The following MMP26 variants were observed in gnomAD, a reference collection of about 807,000 sequenced individuals.
MMP26 encodes matrix metalloproteinase-26.
MMP26 carries 33 observed loss-of-function variants against 31.0 expected under a neutral mutation model. That is an observed-to-expected ratio of 1.06 (90% CI 0.81 to 1.42). MMP26 has a LOEUF of 1.42. Among genes scored for constraint, MMP26 ranks in the 40% most tolerant of loss-of-function variants. The probability of loss-of-function intolerance (pLI) is 0.00; values close to 1 mark genes in which losing one functional copy is unlikely to be tolerated. For synonymous variants in MMP26, 122 were observed against 114.9 expected (o/e 1.06, Z -0.40); for missense variants, 347 against 316.1 (o/e 1.10, Z -0.74).
chr11:4,779,788 G>A (rs1041455496), intron 2 of MMP26, among the ~76,000 whole-genome samples: 6 of 151,956 alleles, frequency 3.9e-5, no homozygotes, highest in Non-Finnish European at 7.4e-5. Context: ...CCTAGCAAAC[G>A]GAATAGAACC....
intron 2 of MMP26, among the ~76,000 whole-genome samples, chr11:4,935,168 G>T (rs1851416196): frequency 6.6e-6 from 1 of 151,822 alleles, no homozygotes; most frequent in African/African-American, 2.4e-5. Context: ...ACCTTGGGCA[G>T]TATGGCCGTT....
At chr11:4,836,334 A>T (rs11034142) in intron 2 of MMP26, among the ~76,000 whole-genome samples, 2 of 151,914 alleles carry the variant, frequency 1.3e-5, no homozygotes, top group East Asian at 1.9e-4. Flanking sequence ...AGCACCTGAG[A>T]TTTTTTGGTT....
At chr11:4,717,746 C>T (rs965216110) in intron 1 of MMP26, among the ~76,000 whole-genome samples, 6 of 152,058 alleles carry the variant, frequency 3.9e-5, no homozygotes, top group African/African-American at 9.7e-5. Flanking sequence ...GATATGCATA[C>T]CATTGTTACT....
chr11:4,850,438 C>A (rs1849958966), intron 2 of MMP26, among the ~76,000 whole-genome samples: 4 of 152,086 alleles, frequency 2.6e-5, no homozygotes, highest in Admixed American at 2.6e-4. Context: ...AAATAAAAAC[C>A]TGAGAATTAG....
intron 2 of MMP26, chr11:4,913,436 G>T (rs1851022734): frequency 6.6e-6 from 1 of 152,136 alleles, no homozygotes; most frequent in Non-Finnish European, 1.5e-5. Flanking sequence ...CTTCTCTCTA[G>T]GTGTTCGAAG....
intron 1 of MMP26, among the ~76,000 whole-genome samples, chr11:4,760,422 T>C: frequency 6.6e-6 from 1 of 152,232 alleles, no homozygotes; most frequent in East Asian, 1.9e-4. Context: ...AAGTGCATGA[T>C]GACCTGAGGC....
Position 4,881,811 on chromosome 11 carries a change from T to A in MMP26, c.-144-106257T>A, listed in dbSNP as rs771791868. On this transcript the variant is annotated intron_variant, in intron 2 of 7. Transcript: ENST00000380390. ...AATAACTACCTTAAATTTAAAATTG[T>A]ATATAAAATGACTAATAAAATGTAT... The A allele has an allele frequency of 5.2e-6, 6 of 1,153,134 alleles. No homozygotes were observed. The South Asian group carries it at 5.6e-5, about 11-fold the overall frequency. The allele number at this position is 1,153,134 out of a possible 1,614,324, so 71.4% of individuals were successfully genotyped here.
chr11:4,946,690 G>T lies in MMP26; in HGVS notation c.-144-41378G>T, dbSNP rs549828031. 1.1e-5 allele frequency: 18 copies of T among 1,591,382 alleles called. 1 individual carries two copies. In the Admixed American group the frequency reaches 1.3e-4, roughly 12 times the overall value. On this transcript the variant is annotated intron_variant, in intron 2 of 7. Coordinates refer to ENST00000380390, the MANE Select transcript of MMP26 (RefSeq NM_021801.5). ...TTTGGGCAACTCTGACAGTTGTCAG[G>T]ATTGAGGTGTATCTCAGAGGGTTGT... is the stretch of plus-strand genomic sequence containing the variant.
intron 1 of MMP26, chr11:4,711,228 A>G (rs1311245444): frequency 6.6e-6 from 1 of 152,234 alleles, no homozygotes; most frequent in Non-Finnish European, 1.5e-5. Context: ...ATAAAATACA[A>G]TGCAACAAGT....
At chr11:4,873,352 T>A (rs969786254) in intron 2 of MMP26, among the ~76,000 whole-genome samples, 3 of 152,124 alleles carry the variant, frequency 2.0e-5, no homozygotes, top group African/African-American at 7.2e-5. Flanking sequence ...TAGCATATCG[T>A]CTCTTCATCT....
At chr11:4,796,593 A>G (rs539547360) in intron 2 of MMP26, among the ~76,000 whole-genome samples, 65 of 152,330 alleles carry the variant, frequency 4.3e-4, no homozygotes, top group African/African-American at 1.5e-3. Flanking sequence ...ACAGACTTTT[A>G]ATATACACAT....
chr11:4,811,482 T>C (rs185647866), intron 2 of MMP26, among the ~76,000 whole-genome samples: 2 of 152,354 alleles, frequency 1.3e-5, no homozygotes, highest in East Asian at 3.9e-4. Context: ...TGCTTTAAGT[T>C]AATTTGCTTA....
chr11:4,848,226 G>A, intron 2 of MMP26: 1 of 1,586,542 alleles, frequency 6.3e-7, no homozygotes, highest in East Asian at 2.2e-5. Flanking sequence ...AAACACGGAG[G>A]GACATCCTAC....
chr11:4,874,460 TAAAGAA>T (rs1401921963), intron 2 of MMP26, among the ~76,000 whole-genome samples: 2 of 152,040 alleles, frequency 1.3e-5, no homozygotes, highest in Non-Finnish European at 2.9e-5. Context: ...AATAATTTCT[TAAAGAA>T]AGAGTTCTTA....
intron 1 of MMP26, among the ~76,000 whole-genome samples, chr11:4,748,145 A>T (rs1848403423): frequency 2.6e-5 from 4 of 152,100 alleles, no homozygotes; most frequent in Admixed American, 2.6e-4. Context: ...AATACAAAAG[A>T]TCATCACAAA....
At chr11:4,882,163 G>A (rs754529963) in intron 2 of MMP26, 67 of 1,613,762 alleles carry the variant, frequency 4.2e-5, no homozygotes, top group Non-Finnish European at 5.5e-5. Context: ...GTGTTCTCTG[G>A]TTTCATGCCC....
At chr11:4,705,609 A>T (rs10768185) in intron 1 of MMP26, among the ~76,000 whole-genome samples, 1 of 152,020 alleles carries the variant, frequency 6.6e-6, no homozygotes, top group African/African-American at 2.4e-5. Flanking sequence ...CTTAAAGAGA[A>T]CTGTTTAAGA....
intron 2 of MMP26, chr11:4,924,255 T>C (rs1364736566): frequency 2.5e-6 from 4 of 1,613,960 alleles, no homozygotes; most frequent in Admixed American, 3.3e-5. Flanking sequence ...GGAATAGAGA[T>C]CCAGCCATGG....
intron 2 of MMP26, among the ~76,000 whole-genome samples, chr11:4,977,576 T>A (rs1846755106): frequency 6.6e-6 from 1 of 152,104 alleles, no homozygotes; most frequent in Non-Finnish European, 1.5e-5. Context: ...TCTGGCAGAA[T>A]AAGAACATCC....
Sources: gnomAD v4.1 joint callset for allele counts (sites outside exome capture counted in the v4.1 genomes callset) on GRCh38, gnomAD v4.1.1 for gene constraint, MANE v1.5 for transcripts, NCBI Gene and HGNC (gene_info 2026-07-23, HGNC 2026-07-21) for gene names.